Variants in TBC1D19 observed in about 807,000 individuals in gnomAD.
TBC1D19 encodes TBC1 domain family member 19, also known as TBC1 domain family, member 19.
Under a neutral mutation model 89.0 loss-of-function variants are expected in TBC1D19, and 60 were observed. The observed-to-expected ratio is 0.67, with a 90% CI of 0.55 to 0.84. The LOEUF (loss-of-function observed/expected upper bound fraction) is 0.84. Among genes scored for constraint, TBC1D19 ranks in the 40% least tolerant of loss-of-function variants. The probability of loss-of-function intolerance (pLI) is 0.00; values close to 1 mark genes in which losing one functional copy is unlikely to be tolerated. For missense variants in TBC1D19, 500 were observed against 610.8 expected (o/e 0.82, Z 1.91); for synonymous variants, 189 against 199.7 (o/e 0.95, Z 0.45).
intron 1 of TBC1D19, among the ~76,000 whole-genome samples, chr4:26,595,517 A>G (rs1740152241): frequency 6.6e-6 from 1 of 152,062 alleles, no homozygotes. Flanking sequence ...ATTTTCTCCT[A>G]TGTTGTCTTC....
At chr4:26,681,198 A>T (rs1168173674) in intron 11 of TBC1D19, among the ~76,000 whole-genome samples, 3 of 151,732 alleles carry the variant, frequency 2.0e-5, no homozygotes, top group South Asian at 4.2e-4. Context: ...ATTTGAATTG[A>T]TTTTTTTTCT....
chr4:26,767,632 A>G, the TBC1D19 span, among the ~76,000 whole-genome samples: 2 of 152,168 alleles, frequency 1.3e-5, no homozygotes, highest in Non-Finnish European at 2.9e-5. Context: ...GAGGTCTCAG[A>G]ATAAATTTCA....
chr4:26,833,968 G>A, the TBC1D19 span, among the ~76,000 whole-genome samples: 1 of 152,300 alleles, frequency 6.6e-6, no homozygotes, highest in African/African-American at 2.4e-5. Context: ...AATCCCCGAT[G>A]TTGGAGGAAG....
At chr4:26,789,096 G>A in the TBC1D19 span, among the ~76,000 whole-genome samples, 36 of 152,186 alleles carry the variant, frequency 2.4e-4, no homozygotes, top group Admixed American at 2.4e-3. Flanking sequence ...ACAGTTTGAA[G>A]ACTAATAACT....
Position 26,756,030 on chromosome 4 carries a change from A to T in TBC1D19, c.*1083A>T, listed in dbSNP as rs758703442. Among the ~76,000 whole-genome samples, 1 of 152,226 alleles carries T rather than the reference A, an allele frequency of 6.6e-6. No individual in the cohort carries two copies. Among genetic ancestry groups the T allele is most frequent in the Non-Finnish European group, 1.5e-5 (1 of 68,036 alleles). ...TTTAAGATGCTGATCACTTCACTAA[A>T]ACTGTAAATCAGTAGATTGATACGC... On this transcript the variant is annotated 3_prime_UTR_variant, in exon 21 of 21. Coordinates refer to ENST00000264866, the MANE Select transcript of TBC1D19 (RefSeq NM_018317.4).
At chr4:26,667,653 T>C (rs1306358325) in intron 9 of TBC1D19, among the ~76,000 whole-genome samples, 4 of 152,072 alleles carry the variant, frequency 2.6e-5, no homozygotes, top group African/African-American at 9.7e-5. Context: ...GCTACTATGA[T>C]CATTCTAGTA....
chr4:26,775,278 C>T, the TBC1D19 span, among the ~76,000 whole-genome samples: 3 of 151,864 alleles, frequency 2.0e-5, no homozygotes, highest in African/African-American at 7.3e-5. Context: ...ATAGTGAGAC[C>T]CTGTCTCTAC....
At chr4:26,700,939 A>C (rs994311144) in intron 13 of TBC1D19, among the ~76,000 whole-genome samples, 6 of 152,106 alleles carry the variant, frequency 3.9e-5, no homozygotes, top group Non-Finnish European at 8.8e-5. Flanking sequence ...ATTAAAACCA[A>C]AAGACCCACA....
At chr4:26,612,324 G>A (rs916283497) in intron 1 of TBC1D19, among the ~76,000 whole-genome samples, 7 of 151,760 alleles carry the variant, frequency 4.6e-5, no homozygotes, top group African/African-American at 1.7e-4. Flanking sequence ...GGAAGAGTTA[G>A]TGTGGAATTG....
the TBC1D19 span, among the ~76,000 whole-genome samples, chr4:26,849,189 C>G: frequency 1.1e-5 from 1 of 91,196 alleles, no homozygotes; most frequent in Non-Finnish European, 2.3e-5. Context: ...ATAAATGATA[C>G]ACACACACAC....
chr4:26,830,244 A>G, the TBC1D19 span, among the ~76,000 whole-genome samples: 32 of 152,344 alleles, frequency 2.1e-4, no homozygotes, highest in East Asian at 5.0e-3. Context: ...TATGCAAACA[A>G]TAAACACCCT....
At chr4:26,688,472 G>T in intron 13 of TBC1D19, 65 bp downstream of exon 13, 1 of 1,391,546 alleles carries the variant, frequency 7.2e-7, no homozygotes, top group Admixed American at 2.7e-5. Flanking sequence ...GATACTTTAG[G>T]AGATATCTCT....
chr4:26,695,937 G>C (rs1714736549), intron 13 of TBC1D19, among the ~76,000 whole-genome samples: 1 of 152,206 alleles, frequency 6.6e-6, no homozygotes, highest in African/African-American at 2.4e-5. Context: ...ATACTAGGAA[G>C]AAACTGCATC....
chr4:26,709,301 A>G (rs1270136960), intron 13 of TBC1D19, among the ~76,000 whole-genome samples: 1 of 151,992 alleles, frequency 6.6e-6, no homozygotes, highest in Non-Finnish European at 1.5e-5. Context: ...GTTGTTTTTG[A>G]ATGACCTAGT....
the TBC1D19 span, among the ~76,000 whole-genome samples, chr4:26,851,086 C>T: frequency 6.6e-6 from 1 of 152,208 alleles, no homozygotes; most frequent in African/African-American, 2.4e-5. Context: ...TCAGGTTTCC[C>T]AGCCTTTAGA....
Position 26,739,846 on chromosome 4 carries a change from T to C in TBC1D19, c.1118-18T>C. On this transcript the variant is annotated intron_variant, in intron 16 of 20. Transcript: ENST00000264866. ...TTCAGTAGTTCTGCAGTATTATAAA[T>C]TAATTTTTTTCTTTCAGTTGCACCA... 1.4e-6 allele frequency: 2 copies of C among 1,432,758 alleles called. No homozygotes were observed. The highest frequency in any genetic ancestry group is 1.9e-6 in the Non-Finnish European group (2 of 1,049,924). The allele number at this position is 1,432,758 out of a possible 1,614,324, so 88.8% of individuals were successfully genotyped here. A position where few individuals can be genotyped will look rare whatever the true frequency, so the allele number is the denominator to read the frequency against.
At chr4:26,724,765 G>A (rs1027725112) in intron 15 of TBC1D19, among the ~76,000 whole-genome samples, 1 of 152,128 alleles carries the variant, frequency 6.6e-6, no homozygotes, top group African/African-American at 2.4e-5. Context: ...AGAAGTGGGA[G>A]CCTAAGGTCT....
At chr4:26,594,030 C>T (rs1396030394) in intron 1 of TBC1D19, among the ~76,000 whole-genome samples, 1 of 152,166 alleles carries the variant, frequency 6.6e-6, no homozygotes, top group Non-Finnish European at 1.5e-5. Flanking sequence ...GCTATAAAGA[C>T]ACATGCACAC....
At chr4:26,631,875 T>A (rs187123329) in intron 4 of TBC1D19, among the ~76,000 whole-genome samples, 97 of 152,236 alleles carry the variant, frequency 6.4e-4, no homozygotes, top group Non-Finnish European at 1.3e-3. Context: ...GATGTCTAAT[T>A]TCTTTTCTGT....
Sources: gnomAD v4.1 joint callset for allele counts (sites outside exome capture counted in the v4.1 genomes callset) on GRCh38, gnomAD v4.1.1 for gene constraint, MANE v1.5 for transcripts, NCBI Gene and HGNC (gene_info 2026-07-23, HGNC 2026-07-21) for gene names.